Variants in GSE1 observed in about 807,000 individuals in gnomAD.
GSE1 encodes Gse1 coiled-coil protein.
In GSE1, 32 loss-of-function variants were observed where a neutral mutation model predicts 112.6. That is an observed-to-expected ratio of 0.28 (90% CI 0.21 to 0.38). The LOEUF (loss-of-function observed/expected upper bound fraction) is 0.38. GSE1 is among the 10% of genes least tolerant of loss of function. The pLI is 1.00. For synonymous variants in GSE1, 1,115 were observed against 735.6 expected (o/e 1.52, Z -8.35); for missense variants, 2,348 against 1,699.2 (o/e 1.38, Z -6.71).
At chr16:85,559,525 C>G (rs2151279734) in intron 1 of GSE1, among the ~76,000 whole-genome samples, 1 of 152,326 alleles carries the variant, frequency 6.6e-6, no homozygotes, top group Middle Eastern at 3.4e-3. Flanking sequence ...CTGCAGGGAG[C>G]AAGGGCCCAG....
Position 85,601,582 on chromosome 16 carries a change from A to G in GSE1, c.37+45219A>G, listed in dbSNP as rs190398742. 1.9e-3 allele frequency among the ~76,000 whole-genome samples: 283 copies of G among 152,326 alleles called. 2 individuals are homozygous for G. The highest frequency in any genetic ancestry group is 6.5e-3 in the African/African-American group (271 of 41,558). Reference sequence around the variant, plus strand: ...CTCACCTTCAGCGCGGGGCCGGCAGACACCCAGAAGGGCCACAGGCGGCTG... The same window carrying G: ...CTCACCTTCAGCGCGGGGCCGGCAGGCACCCAGAAGGGCCACAGGCGGCTG... On this transcript the variant is annotated intron_variant, in intron 1 of 2. Coordinates refer to the GSE1 transcript ENST00000635906.
chr16:85,481,201 C>G (rs1437521413), intron 2 of GSE1, among the ~76,000 whole-genome samples: 1 of 152,244 alleles, frequency 6.6e-6, no homozygotes, highest in African/African-American at 2.4e-5. Flanking sequence ...GCCTCAGCAC[C>G]TGGTGTAGCC....
intron 1 of GSE1, among the ~76,000 whole-genome samples, chr16:85,258,889 C>T (rs1463651082): frequency 1.3e-5 from 2 of 152,232 alleles, no homozygotes; most frequent in African/African-American, 2.4e-5. Flanking sequence ...CCAACCTCCC[C>T]CCGCCAGCTG....
chr16:85,551,187 G>T (rs956959124), upstream of GSE1, among the ~76,000 whole-genome samples: 1 of 152,198 alleles, frequency 6.6e-6, no homozygotes, highest in Non-Finnish European at 1.5e-5. Context: ...TGAGGGATGG[G>T]GACAGAGAGC....
chr16:85,529,830 C>G lies in GSE1; in HGVS notation c.2465-104084C>G, dbSNP rs1225887199. On this transcript the variant is annotated intron_variant, in intron 2 of 2. Transcript: ENST00000637419. ...CTTCCTGATTACTGGGAAACAGGAC[C>G]CAGAATGCTAGGCAGCTGGGAGCCA... is the stretch of plus-strand genomic sequence containing the variant. 2.0e-5 allele frequency among the ~76,000 whole-genome samples: 3 copies of G among 152,318 alleles called. No homozygotes were observed. The East Asian group carries it at 5.8e-4, about 29-fold the overall frequency.
intron 2 of GSE1, among the ~76,000 whole-genome samples, chr16:85,425,258 T>A (rs2048945220): frequency 6.8e-6 from 1 of 147,048 alleles, no homozygotes; most frequent in African/African-American, 2.5e-5. Context: ...CTCTTGGCAC[T>A]GCTGAGCAGG....
chr16:85,573,341 C>T (rs1432310474), intron 1 of GSE1, among the ~76,000 whole-genome samples: 2 of 152,188 alleles, frequency 1.3e-5, no homozygotes, highest in African/African-American at 4.8e-5. Context: ...CCTGGATAGA[C>T]CACGTTCTGT....
intron 1 of GSE1, among the ~76,000 whole-genome samples, chr16:85,564,625 C>T (rs574369990): frequency 1.2e-4 from 18 of 152,330 alleles, no homozygotes; most frequent in Middle Eastern, 6.8e-3. Flanking sequence ...ACTCCTGCCC[C>T]GTTGCTCAGC....
intron 1 of GSE1, among the ~76,000 whole-genome samples, chr16:85,571,255 C>T (rs1039523884): frequency 1.3e-5 from 2 of 152,228 alleles, no homozygotes; most frequent in Non-Finnish European, 2.9e-5. Flanking sequence ...AGAGGCCTCA[C>T]ATTGGATAGC....
intron 2 of GSE1, among the ~76,000 whole-genome samples, chr16:85,460,762 A>C (rs1373812025): frequency 4.6e-5 from 7 of 151,488 alleles, no homozygotes; most frequent in Admixed American, 4.6e-4. Context: ...GAGGTTGTTT[A>C]CAGGCCAAAG....
chr16:85,652,466 C>G (rs1033107659), intron 3 of GSE1, among the ~76,000 whole-genome samples: 1 of 152,206 alleles, frequency 6.6e-6, no homozygotes, highest in Non-Finnish European at 1.5e-5. Flanking sequence ...GTCGTGAACC[C>G]AGGAGGACCC....
intron 2 of GSE1, among the ~76,000 whole-genome samples, chr16:85,420,991 G>A (rs1385188520): frequency 6.6e-6 from 1 of 152,236 alleles, no homozygotes; most frequent in African/African-American, 2.4e-5. Flanking sequence ...CCTGTGCCAC[G>A]TGACGCTCTA....
In GSE1 at chr16:85,674,016, G is replaced by C. The variant is rs1013077002; in HGVS notation, c.*1477G>C. 3 of 152,112 alleles carry C rather than the reference G, an allele frequency of 2.0e-5. No individual in the cohort carries two copies. The highest frequency in any genetic ancestry group is 4.4e-5 in the Non-Finnish European group (3 of 68,074). The allele number at this position is 152,112 out of a possible 1,614,324, so 9.4% of individuals were successfully genotyped here. A position where few individuals can be genotyped will look rare whatever the true frequency, so the allele number is the denominator to read the frequency against. ...GCTCATCACACCAAGGCAAAGCAACGGGCGAGTCTTCCTCCTTGTCCTAGT... is the reference window on the plus strand; with the variant it reads ...GCTCATCACACCAAGGCAAAGCAACCGGCGAGTCTTCCTCCTTGTCCTAGT... On this transcript the variant is annotated 3_prime_UTR_variant, in exon 16 of 16. Coordinates refer to ENST00000253458, the MANE Select transcript of GSE1 (RefSeq NM_014615.5).
At chr16:85,604,880 G>C (rs1486732657) in intron 1 of GSE1, among the ~76,000 whole-genome samples, 6 of 58,734 alleles carry the variant, frequency 1.0e-4, no homozygotes, top group African/African-American at 2.0e-4. Flanking sequence ...TGCAGTGGCG[G>C]GATCTCGGCT....
chr16:85,548,916 A>T (rs2044803206), intron 2 of GSE1, among the ~76,000 whole-genome samples: 1 of 151,922 alleles, frequency 6.6e-6, no homozygotes, highest in South Asian at 2.1e-4. Context: ...CAGCCTCCCG[A>T]GTAGCTGGGA....
At chr16:85,376,788 G>A (rs1321824956) in intron 2 of GSE1, among the ~76,000 whole-genome samples, 1 of 152,204 alleles carries the variant, frequency 6.6e-6, no homozygotes, top group African/African-American at 2.4e-5. Flanking sequence ...GCTGGGGCTG[G>A]GAGATGGAGG....
intron 1 of GSE1, among the ~76,000 whole-genome samples, chr16:85,178,076 T>C (rs1400368341): frequency 1.3e-5 from 2 of 152,102 alleles, no homozygotes; most frequent in African/African-American, 4.8e-5. Context: ...TGGTGGGCGA[T>C]GAGAGGTTGA....
intron 4 of GSE1, 63 bp from the exon 5 acceptor site, chr16:85,654,731 C>T (rs945438584): frequency 4.2e-5 from 42 of 990,230 alleles, no homozygotes; most frequent in Non-Finnish European, 6.6e-5. Context: ...TTTAGCCGTC[C>T]CCCCATGCAG....
chr16:85,278,179 C>T (rs1191901520), intron 1 of GSE1, among the ~76,000 whole-genome samples: 3 of 152,168 alleles, frequency 2.0e-5, no homozygotes, highest in Non-Finnish European at 4.4e-5. Flanking sequence ...CTGGTGAGGC[C>T]CCCCTGGACT....
Sources: gnomAD v4.1 joint callset for allele counts (sites outside exome capture counted in the v4.1 genomes callset) on GRCh38, gnomAD v4.1.1 for gene constraint, MANE v1.5 for transcripts, NCBI Gene and HGNC (gene_info 2026-07-23, HGNC 2026-07-21) for gene names.